PSD2: variants seen among roughly 807,000 people sequenced by gnomAD.
The protein encoded by PSD2 is pleckstrin and Sec7 domain containing 2.
A neutral mutation model predicts 69.8 loss-of-function variants in PSD2; 38 were observed. That is an observed-to-expected ratio of 0.54 (90% CI 0.42 to 0.71). PSD2 has a LOEUF of 0.71. PSD2 is among the 30% of genes least tolerant of loss of function. PSD2 has a pLI of 0.00. For missense variants in PSD2, 943 were observed against 1,014.5 expected, an observed-to-expected ratio of 0.93 and a Z score of 0.96; for synonymous variants, 412 against 423.0, an observed-to-expected ratio of 0.97 and a Z score of 0.32.
At chr5:139,783,943 C>CTTTTTTTTTTTTTTT in the PSD2 span, among the ~76,000 whole-genome samples, 16 of 87,884 alleles carry the variant, frequency 1.8e-4, 1 homozygote, top group African/African-American at 4.1e-4. Flanking sequence ...TCTGCTAGCT[C>CTTTTTTTTTTTTTTT]TTTTTTTTTT....
At chr5:139,822,942 G>A (rs1760309731) in intron 7 of PSD2, among the ~76,000 whole-genome samples, 158 bp downstream of exon 7, 1 of 152,120 alleles carries the variant, frequency 6.6e-6, no homozygotes, top group Non-Finnish European at 1.5e-5. Flanking sequence ...CCCCGCCCTA[G>A]TTTCATCCAC....
chr5:139,838,316 T>C (rs1179404714), intron 12 of PSD2, among the ~76,000 whole-genome samples: 1 of 152,040 alleles, frequency 6.6e-6, no homozygotes, highest in East Asian at 1.9e-4. Flanking sequence ...CCAGTTGCTA[T>C]TGCCTCTGAT....
At chr5:139,764,407 G>A in the PSD2 span, among the ~76,000 whole-genome samples, 2 of 152,212 alleles carry the variant, frequency 1.3e-5, no homozygotes, top group African/African-American at 4.8e-5. Context: ...TGTGCCCCTG[G>A]GAGTGTGAGT....
At chr5:139,787,047 A>T in the PSD2 span, among the ~76,000 whole-genome samples, 1 of 152,094 alleles carries the variant, frequency 6.6e-6, no homozygotes, top group Non-Finnish European at 1.5e-5. Flanking sequence ...GTGAGGAGGG[A>T]CGGGTTGGGG....
chr5:139,835,041 A>G (rs1026844194), intron 8 of PSD2, among the ~76,000 whole-genome samples: 1 of 149,426 alleles, frequency 6.7e-6, no homozygotes, highest in African/African-American at 2.5e-5. Context: ...CTCCTCAAAC[A>G]CTCCCCATCT....
chr5:139,797,538 A>G (rs1339366451), intron 1 of PSD2, among the ~76,000 whole-genome samples: 1 of 152,244 alleles, frequency 6.6e-6, no homozygotes, highest in Non-Finnish European at 1.5e-5. Context: ...CACGCTCCAC[A>G]AGCAGACCTG....
At chr5:139,752,091 C>A in the PSD2 span, among the ~76,000 whole-genome samples, 5 of 152,106 alleles carry the variant, frequency 3.3e-5, no homozygotes, top group Non-Finnish European at 7.4e-5. Context: ...CTGCACCCAG[C>A]CAGTCCAGCC....
chr5:139,781,891 C>T, the PSD2 span, among the ~76,000 whole-genome samples: 2 of 152,166 alleles, frequency 1.3e-5, no homozygotes, highest in Non-Finnish European at 2.9e-5. Context: ...ACCTCGGCCT[C>T]CCAAAATGCT....
intron 4 of PSD2, among the ~76,000 whole-genome samples, chr5:139,816,390 C>T (rs531889367): frequency 1.3e-5 from 2 of 152,284 alleles, no homozygotes; most frequent in Non-Finnish European, 2.9e-5. Flanking sequence ...TGCACTTGGC[C>T]GATTGGTCTG....
chr5:139,751,796 T>A, the PSD2 span, among the ~76,000 whole-genome samples: 1 of 149,236 alleles, frequency 6.7e-6, no homozygotes, highest in Non-Finnish European at 1.5e-5. Flanking sequence ...CAGCCTTTTT[T>A]TTTTTTTTTT....
chr5:139,778,957 AAAAAAG>A, the PSD2 span, among the ~76,000 whole-genome samples: 62 of 151,822 alleles, frequency 4.1e-4, no homozygotes, highest in Non-Finnish European at 7.9e-4. Flanking sequence ...AAAAAAAAAA[AAAAAAG>A]AAAGAAAAAA....
chr5:139,760,478 C>G, the PSD2 span, among the ~76,000 whole-genome samples: 1 of 152,184 alleles, frequency 6.6e-6, no homozygotes, highest in South Asian at 2.1e-4. Flanking sequence ...CATTTCCTGT[C>G]TCCACTTCCC....
At chr5:139,766,828 C>CTTCTCTTTCTTTCT in the PSD2 span, among the ~76,000 whole-genome samples, 40 of 87,810 alleles carry the variant, frequency 4.6e-4, no homozygotes, top group African/African-American at 1.3e-3. Flanking sequence ...AAGTCCCTTC[C>CTTCTCTTTCTTTCT]TTCTTTCTTT....
At chr5:139,795,722 C>G (rs1204117269), upstream of PSD2, 1 of 151,484 alleles carries the variant, frequency 6.6e-6, no homozygotes, top group African/African-American at 2.4e-5. This position sits in a 1 kb window ranked among gnomAD's most constrained non-coding sequence, Gnocchi z 4.5. Flanking sequence ...GCCGCTCGCG[C>G]GCCCGCAGTG....
intron 2 of PSD2, among the ~76,000 whole-genome samples, chr5:139,810,219 T>C (rs1241439365): frequency 6.6e-6 from 1 of 152,220 alleles, no homozygotes; most frequent in Non-Finnish European, 1.5e-5. Flanking sequence ...GGCTTTAGGC[T>C]TTAATCCCTC....
chr5:139,788,594 G>T, the PSD2 span, among the ~76,000 whole-genome samples: 1 of 152,196 alleles, frequency 6.6e-6, no homozygotes, highest in East Asian at 1.9e-4. Context: ...CTCCGGAAGC[G>T]CGGGCTGCCC....
chr5:139,806,324 A>C (rs1457109996), intron 1 of PSD2, among the ~76,000 whole-genome samples: 1 of 152,260 alleles, frequency 6.6e-6, no homozygotes, highest in African/African-American at 2.4e-5. Context: ...CTCTTGGTTG[A>C]GGGTTTGGGC....
At chr5:139,776,022 C>T in the PSD2 span, among the ~76,000 whole-genome samples, 1 of 152,218 alleles carries the variant, frequency 6.6e-6, no homozygotes, top group African/African-American at 2.4e-5. Flanking sequence ...GCCTCATCCC[C>T]CTCCAAGACG....
chr5:139,833,840 TAG>T, intron 8 of PSD2, 49 bp downstream of exon 8: 1 of 1,376,612 alleles, frequency 7.3e-7, no homozygotes, highest in South Asian at 1.2e-5. Context: ...CCTGAATGGA[TAG>T]AGAGGAGAGA....
Sources: gnomAD v4.1 joint callset for allele counts (sites outside exome capture counted in the v4.1 genomes callset) on GRCh38, gnomAD v4.1.1 for gene constraint, Gnocchi (gnomAD v3.1) non-coding constraint, MANE v1.5 for transcripts, NCBI Gene and HGNC (gene_info 2026-07-23, HGNC 2026-07-21) for gene names.